CTDSPL2: variants seen among roughly 807,000 people sequenced by gnomAD.
CTDSPL2 encodes the protein CTD small phosphatase like 2.
CTDSPL2 carries 5 observed loss-of-function variants against 60.0 expected under a neutral mutation model. The observed-to-expected ratio is 0.08, with a 90% CI of 0.04 to 0.18. The LOEUF (loss-of-function observed/expected upper bound fraction) is 0.18, where lower values mean the gene tolerates loss of function less well. Ranked by LOEUF, CTDSPL2 falls within the 10% of genes least tolerant of loss-of-function variation. The pLI is 1.00. For missense variants in CTDSPL2, 370 were observed against 548.8 expected (o/e 0.67, Z 3.26); for synonymous variants, 186 against 189.3 (o/e 0.98, Z 0.14).
At chr15:44,476,132 G>T (rs555272731) in intron 2 of CTDSPL2, among the ~76,000 whole-genome samples, 1 of 151,998 alleles carries the variant, frequency 6.6e-6, no homozygotes, top group African/African-American at 2.4e-5. Context: ...GCAGTGGCAC[G>T]ATCTCGGCTC....
At chr15:44,513,287 G>A (rs920486717) in intron 8 of CTDSPL2, among the ~76,000 whole-genome samples, 36 of 151,942 alleles carry the variant, frequency 2.4e-4, no homozygotes, top group African/African-American at 8.4e-4. Flanking sequence ...CCAACATGGC[G>A]AAACCCCGTC....
chr15:44,477,912 C>T (rs774581007), intron 2 of CTDSPL2, among the ~76,000 whole-genome samples: 8 of 151,994 alleles, frequency 5.3e-5, no homozygotes, highest in African/African-American at 1.4e-4. Context: ...ATTCACCCAA[C>T]GCATTTAGGA....
intron 2 of CTDSPL2, among the ~76,000 whole-genome samples, chr15:44,460,627 A>G (rs1039532212): frequency 9.2e-5 from 14 of 152,152 alleles, no homozygotes; most frequent in African/African-American, 3.1e-4. Flanking sequence ...ACAAAGCCTA[A>G]TTACTGTAAG....
intron 5 of CTDSPL2, among the ~76,000 whole-genome samples, chr15:44,495,238 G>A (rs1012529723): frequency 3.9e-5 from 6 of 152,088 alleles, no homozygotes; most frequent in African/African-American, 1.4e-4. Context: ...CCAAAGTGCT[G>A]GGATTACAGG....
At chr15:44,434,161 G>A (rs2079924221) in intron 1 of CTDSPL2, among the ~76,000 whole-genome samples, 1 of 151,864 alleles carries the variant, frequency 6.6e-6, no homozygotes, top group African/African-American at 2.4e-5. Context: ...CAGCACTTTG[G>A]GAGGCCAAGA....
At chr15:44,450,885 A>G (rs1258565327) in intron 1 of CTDSPL2, among the ~76,000 whole-genome samples, 1 of 152,146 alleles carries the variant, frequency 6.6e-6, no homozygotes, top group Non-Finnish European at 1.5e-5. Flanking sequence ...GGCGTGAGCC[A>G]CTGCATCTGG....
At chr15:44,445,811 G>T (rs1161045588) in intron 1 of CTDSPL2, among the ~76,000 whole-genome samples, 1 of 147,318 alleles carries the variant, frequency 6.8e-6, no homozygotes, top group Non-Finnish European at 1.5e-5. Flanking sequence ...CTAATTTTTT[G>T]TATTTTTAGT....
chr15:44,463,655 T>C (rs879380131), intron 2 of CTDSPL2, among the ~76,000 whole-genome samples: 8 of 152,242 alleles, frequency 5.3e-5, no homozygotes, highest in Admixed American at 1.3e-4. Context: ...ATGTGGTTAA[T>C]TTGTCACATA....
chr15:44,441,408 C>T (rs955980009), intron 1 of CTDSPL2, among the ~76,000 whole-genome samples: 1 of 152,208 alleles, frequency 6.6e-6, no homozygotes, highest in African/African-American at 2.4e-5. Flanking sequence ...GGGCTCTCTT[C>T]AGTCCCATGT....
At chr15:44,454,197 T>C (rs895948466) in intron 1 of CTDSPL2, among the ~76,000 whole-genome samples, 7 of 152,258 alleles carry the variant, frequency 4.6e-5, no homozygotes, top group African/African-American at 1.7e-4. Flanking sequence ...TGAGCATTTT[T>C]TCATGTGTCT....
intron 1 of CTDSPL2, among the ~76,000 whole-genome samples, chr15:44,442,975 T>C (rs2080123381): frequency 6.7e-6 from 1 of 150,142 alleles, no homozygotes; most frequent in African/African-American, 2.5e-5. Context: ...AGACCGTGTC[T>C]CAAAAAAAAA....
intron 7 of CTDSPL2, among the ~76,000 whole-genome samples, chr15:44,498,882 C>T (rs945043574): frequency 1.3e-5 from 2 of 151,866 alleles, no homozygotes; most frequent in African/African-American, 2.4e-5. Context: ...TTACATGAAA[C>T]GTAATTTGTG....
At chr15:44,466,106 T>C (rs2080683772) in intron 2 of CTDSPL2, among the ~76,000 whole-genome samples, 2 of 152,030 alleles carry the variant, frequency 1.3e-5, no homozygotes, top group South Asian at 4.2e-4. Flanking sequence ...GGCTAATTTT[T>C]TTATATTTTT....
rs1460196173 is a variant in CTDSPL2 at position 44,514,607 on chromosome 15, A to C, written c.979A>C (p.Arg327=). ...FQDVIYQVYV[R]LRPFFREFLE... ...CTTTGTATTTCCTTAGGTTTATGTG[A>C]GATTAAGACCATTTTTCAGGGAATT... The change falls in exon 9 of 13, where the codon AGA becomes CGA. Residue 327 remains arginine, a synonymous_variant. Transcript: ENST00000260327. 1.9e-6 allele frequency: 3 copies of C among 1,601,780 alleles called. No individual in the cohort carries two copies. Among genetic ancestry groups the C allele is most frequent in the Middle Eastern group, 1.7e-4 (1 of 6,046 alleles).
At chr15:44,481,761 CAG>C (rs1567084849) in intron 2 of CTDSPL2, among the ~76,000 whole-genome samples, 1 of 152,102 alleles carries the variant, frequency 6.6e-6, no homozygotes, top group East Asian at 1.9e-4. Context: ...TTAGTAGAGA[CAG>C]AATTTCTCTA....
intron 1 of CTDSPL2, 188 bp downstream of exon 1, chr15:44,427,960 C>G (rs1346583070): frequency 3.0e-6 from 1 of 336,276 alleles, no homozygotes; most frequent in African/African-American, 2.1e-5. Context: ...GGACTTTCCC[C>G]TGGGAACAGA....
chr15:44,458,348 T>A (rs959451224), intron 1 of CTDSPL2, among the ~76,000 whole-genome samples: 8 of 152,248 alleles, frequency 5.3e-5, no homozygotes, highest in African/African-American at 1.9e-4. Flanking sequence ...TTGTCTTACC[T>A]ATAAAATGAG....
chr15:44,464,972 C>T (rs751495141), intron 2 of CTDSPL2, among the ~76,000 whole-genome samples: 36 of 152,188 alleles, frequency 2.4e-4, no homozygotes, highest in Non-Finnish European at 1.2e-4. Context: ...TCCCAAAGTG[C>T]TGGGATTACA....
intron 12 of CTDSPL2, among the ~76,000 whole-genome samples, chr15:44,522,277 G>A (rs1378797813): frequency 5.9e-5 from 9 of 152,008 alleles, no homozygotes; most frequent in Admixed American, 5.9e-4. Flanking sequence ...CAAACTATCT[G>A]CCCATCTCAG....
Sources: gnomAD v4.1 joint callset for allele counts (sites outside exome capture counted in the v4.1 genomes callset) on GRCh38, gnomAD v4.1.1 for gene constraint, MANE v1.5 for transcripts, NCBI Gene and HGNC (gene_info 2026-07-23, HGNC 2026-07-21) for gene names.